TMEM117: variants seen among roughly 807,000 people sequenced by gnomAD.
TMEM117 encodes the protein transmembrane protein 117.
A neutral mutation model predicts 52.4 loss-of-function variants in TMEM117; 27 were observed. The observed-to-expected ratio is 0.51, with a 90% CI of 0.38 to 0.71. The LOEUF (loss-of-function observed/expected upper bound fraction) is 0.71, where lower values mean the gene tolerates loss of function less well. Ranked by LOEUF, TMEM117 falls within the 30% of genes least tolerant of loss-of-function variation. The pLI is 0.00. For missense variants in TMEM117, 556 were observed against 630.5 expected (o/e 0.88, Z 1.26); for synonymous variants, 215 against 206.3 (o/e 1.04, Z -0.36).
chr12:43,895,407 A>C (rs1448028980), intron 2 of TMEM117, among the ~76,000 whole-genome samples: 1 of 152,130 alleles, frequency 6.6e-6, no homozygotes. Context: ...ACTGACGCGC[A>C]TTTAGGTTGA....
rs7957047 is a variant in TMEM117, at chr12:44,007,960, C to A, written c.410+63618C>A. ...AAATTACCCAGTCTCGGTTATGTCTCTATCACCAGCATGAAAATGGACTAA... is the reference window on the plus strand; with the variant it reads ...AAATTACCCAGTCTCGGTTATGTCTATATCACCAGCATGAAAATGGACTAA... On this transcript the variant is annotated intron_variant, in intron 3 of 7. Coordinates refer to ENST00000266534, the MANE Select transcript of TMEM117 (RefSeq NM_032256.3). 5.4e-3 allele frequency among the ~76,000 whole-genome samples: 819 copies of A among 152,240 alleles called. 11 individuals are homozygous for A. Among genetic ancestry groups the A allele is most frequent in the African/African-American group, 0.018 (755 of 41,536 alleles).
chr12:43,804,396 A>G, the TMEM117 span: 1 of 778,482 alleles, frequency 1.3e-6, no homozygotes, highest in Non-Finnish European at 2.1e-6. Context: ...CTTGCTTCAT[A>G]TTAATTAATA....
intron 3 of TMEM117, among the ~76,000 whole-genome samples, chr12:43,946,215 C>A (rs12303804): frequency 0.14 from 21,769 of 151,894 alleles, 2,353 homozygotes; most frequent in African/African-American, 0.3. Context: ...GCTAACACAG[C>A]CAAAGGTTTC....
intron 3 of TMEM117, among the ~76,000 whole-genome samples, chr12:44,132,027 C>T (rs1176739472): frequency 3.3e-5 from 5 of 151,958 alleles, no homozygotes; most frequent in African/African-American, 1.2e-4. Context: ...TCTATCCATA[C>T]AGGCTGAGCG....
In TMEM117 at chr12:44,097,954, A is replaced by G. The variant is rs529727945; in HGVS notation, c.411-45571A>G. Among the ~76,000 whole-genome samples the G allele has an allele frequency of 4.6e-5, 7 of 152,128 alleles. No individual in the cohort carries two copies. The South Asian group carries it at 1.5e-3, about 32-fold the overall frequency. ...GGAGACAGTTCAGATAGGTATCTATAATGAATTTTGAAATAGGAATATAGG... is the reference window on the plus strand; with the variant it reads ...GGAGACAGTTCAGATAGGTATCTATGATGAATTTTGAAATAGGAATATAGG... On this transcript the variant is annotated intron_variant, in intron 3 of 7. Transcript: ENST00000266534.
chr12:44,398,022 G>T, the TMEM117 span, among the ~76,000 whole-genome samples: 2 of 151,664 alleles, frequency 1.3e-5, no homozygotes, highest in Non-Finnish European at 2.9e-5. Flanking sequence ...ACCCTACTCC[G>T]GCCCCATACC....
chr12:44,104,999 CTG>C (rs1393040817), intron 3 of TMEM117, among the ~76,000 whole-genome samples: 1 of 151,896 alleles, frequency 6.6e-6, no homozygotes, highest in Admixed American at 6.6e-5. Context: ...CTTCCTGGAT[CTG>C]TGGTTTGGTG....
intron 5 of TMEM117, among the ~76,000 whole-genome samples, chr12:44,234,962 A>G (rs1166454209): frequency 6.6e-6 from 1 of 151,490 alleles, no homozygotes; most frequent in Non-Finnish European, 1.5e-5. Flanking sequence ...GGTTATGTTT[A>G]TTAACTGTGT....
chr12:43,952,218 C>T lies in TMEM117; in HGVS notation c.410+7876C>T, dbSNP rs114584582. Among the ~76,000 whole-genome samples the T allele has an allele frequency of 7.1e-3, 1,073 of 152,140 alleles. 11 individuals carry two copies. Among genetic ancestry groups the T allele is most frequent in the African/African-American group, 0.023 (960 of 41,492 alleles). ...CAAAAATGCTGAAAATCCCGGAAGC[C>T]GGAATGCCTCTTTTCCTCCAAATGA... On this transcript the variant is annotated intron_variant, in intron 3 of 7. Coordinates refer to ENST00000266534, the MANE Select transcript of TMEM117 (RefSeq NM_032256.3).
chr12:44,174,857 AGTG>A (rs2138294775), intron 4 of TMEM117, among the ~76,000 whole-genome samples: 2 of 152,326 alleles, frequency 1.3e-5, no homozygotes, highest in Admixed American at 1.3e-4. Flanking sequence ...TCTCGAAAAA[AGTG>A]GTGATGCCTG....
intron 3 of TMEM117, among the ~76,000 whole-genome samples, chr12:44,037,228 C>A (rs1263480237): frequency 6.6e-6 from 1 of 152,184 alleles, no homozygotes; most frequent in East Asian, 1.9e-4. Context: ...CCGTGCTGTC[C>A]TGGAAAACAG....
intron 4 of TMEM117, among the ~76,000 whole-genome samples, chr12:44,178,140 TG>T (rs1949141609): frequency 6.6e-6 from 1 of 152,208 alleles, no homozygotes; most frequent in Non-Finnish European, 1.5e-5. Flanking sequence ...TCTTAAAATG[TG>T]GAGTTCTGCT....
intron 2 of TMEM117, among the ~76,000 whole-genome samples, chr12:43,850,177 GC>G (rs1432890614): frequency 6.6e-6 from 1 of 152,110 alleles, no homozygotes; most frequent in Non-Finnish European, 1.5e-5. Context: ...ATGGATCCTT[GC>G]CCTGTTATCC....
chr12:43,894,433 A>T (rs572461960), intron 2 of TMEM117, among the ~76,000 whole-genome samples: 2 of 151,440 alleles, frequency 1.3e-5, no homozygotes, highest in South Asian at 2.1e-4. Flanking sequence ...CATATGCAGG[A>T]TGTGCATGTT....
At chr12:44,315,996 A>G (rs1210947647) in intron 6 of TMEM117, among the ~76,000 whole-genome samples, 10 of 152,120 alleles carry the variant, frequency 6.6e-5, no homozygotes, top group Admixed American at 6.5e-4. Flanking sequence ...TCTCTGGAAG[A>G]CAGGAGACAG....
At chr12:43,995,773 T>C (rs1425750015) in intron 3 of TMEM117, among the ~76,000 whole-genome samples, 1 of 152,178 alleles carries the variant, frequency 6.6e-6, no homozygotes, top group Non-Finnish European at 1.5e-5. Context: ...GAAAACAGAC[T>C]AATAATCCCC....
intron 3 of TMEM117, among the ~76,000 whole-genome samples, chr12:43,984,184 A>G (rs565147207): frequency 1.1e-4 from 17 of 152,266 alleles, no homozygotes; most frequent in African/African-American, 4.1e-4. Context: ...CCTGGCCAAC[A>G]TGGTGAAACC....
chr12:44,137,527 G>T (rs374143107), intron 3 of TMEM117, among the ~76,000 whole-genome samples: 2 of 152,174 alleles, frequency 1.3e-5, no homozygotes, highest in East Asian at 3.9e-4. Flanking sequence ...CCATTTTCAC[G>T]CTGCTGATAA....
intron 4 of TMEM117, among the ~76,000 whole-genome samples, chr12:44,206,633 T>TA (rs1481329307): frequency 6.6e-6 from 1 of 152,106 alleles, no homozygotes; most frequent in African/African-American, 2.4e-5. Context: ...TATGCAGCCA[T>TA]AAAAAATAAT....
Sources: gnomAD v4.1 joint callset for allele counts (sites outside exome capture counted in the v4.1 genomes callset) on GRCh38, gnomAD v4.1.1 for gene constraint, MANE v1.5 for transcripts, NCBI Gene and HGNC (gene_info 2026-07-23, HGNC 2026-07-21) for gene names.